The following SLC24A2 variants were observed in gnomAD, a reference collection of about 807,000 sequenced individuals.
SLC24A2 encodes solute carrier family 24 member 2, also known as sodium/potassium/calcium exchanger 2.
In SLC24A2, 36 loss-of-function variants were observed where a neutral mutation model predicts 62.0. That is an observed-to-expected ratio of 0.58 (90% CI 0.44 to 0.77). The LOEUF (loss-of-function observed/expected upper bound fraction) is 0.77. Among genes scored for constraint, SLC24A2 ranks in the 30% least tolerant of loss-of-function variants. SLC24A2 has a pLI of 0.00. For synonymous variants in SLC24A2, 358 were observed against 294.0 expected, an observed-to-expected ratio of 1.22 and a Z score of -2.23; for missense variants, 846 against 817.9, an observed-to-expected ratio of 1.03 and a Z score of -0.42.
chr9:19,718,524 T>G (rs879404838), intron 2 of SLC24A2, among the ~76,000 whole-genome samples: 3 of 148,200 alleles, frequency 2.0e-5, no homozygotes, highest in Middle Eastern at 3.5e-3. Flanking sequence ...TTGCCCAGGC[T>G]GGTCTCGAAA....
intron 3 of SLC24A2, among the ~76,000 whole-genome samples, chr9:19,620,464 G>A (rs914036972): frequency 3.3e-5 from 5 of 152,196 alleles, no homozygotes; most frequent in East Asian, 3.9e-4. Flanking sequence ...GAACTCTCCC[G>A]ACTTTGAGGG....
At chr9:19,861,153 A>T in the SLC24A2 span, among the ~76,000 whole-genome samples, 1 of 152,126 alleles carries the variant, frequency 6.6e-6, no homozygotes, top group Non-Finnish European at 1.5e-5. Context: ...TGTTGGCTTT[A>T]TGTGTGATCC....
the SLC24A2 span, among the ~76,000 whole-genome samples, chr9:19,999,318 T>A: frequency 6.6e-6 from 1 of 152,202 alleles, no homozygotes; most frequent in South Asian, 2.1e-4. Context: ...TGTTCCCAGT[T>A]AATTGGGTGT....
chr9:20,006,781 G>A, the SLC24A2 span, among the ~76,000 whole-genome samples: 3 of 152,228 alleles, frequency 2.0e-5, no homozygotes, highest in Non-Finnish European at 2.9e-5. Context: ...AAGAAAAATC[G>A]TGTATGCCTT....
the SLC24A2 span, among the ~76,000 whole-genome samples, chr9:20,305,704 T>A: frequency 2.0e-5 from 3 of 152,190 alleles, no homozygotes; most frequent in Admixed American, 6.5e-5. Flanking sequence ...TCCCAGTATA[T>A]AGATGAGGAC....
intron 2 of SLC24A2, among the ~76,000 whole-genome samples, chr9:19,770,857 T>C (rs891974629): frequency 6.6e-5 from 10 of 152,178 alleles, no homozygotes; most frequent in Non-Finnish European, 1.3e-4. Flanking sequence ...TTTTTTAAGA[T>C]GGTAAAAAAC....
the SLC24A2 span, among the ~76,000 whole-genome samples, chr9:20,224,581 T>C: frequency 4.6e-5 from 7 of 152,120 alleles, no homozygotes; most frequent in Admixed American, 3.9e-4. Flanking sequence ...CAAGTTGCCT[T>C]CAAGGTAAAT....
the SLC24A2 span, among the ~76,000 whole-genome samples, chr9:19,918,040 A>G: frequency 3.9e-5 from 6 of 152,058 alleles, no homozygotes; most frequent in African/African-American, 1.4e-4. Context: ...CTGGTTTACT[A>G]AATTGTTTTT....
the SLC24A2 span, among the ~76,000 whole-genome samples, chr9:20,236,125 C>G: frequency 6.6e-6 from 1 of 152,158 alleles, no homozygotes; most frequent in Non-Finnish European, 1.5e-5. Context: ...AATAAAGTAT[C>G]TATCAGCAGC....
the SLC24A2 span, among the ~76,000 whole-genome samples, chr9:19,950,273 T>G: frequency 6.6e-6 from 1 of 152,182 alleles, no homozygotes; most frequent in Non-Finnish European, 1.5e-5. Context: ...AAGCTATCAG[T>G]TGGTATAAAG....
At chr9:19,629,634 T>G (rs2117973473) in intron 2 of SLC24A2, among the ~76,000 whole-genome samples, 1 of 152,308 alleles carries the variant, frequency 6.6e-6, no homozygotes, top group South Asian at 2.1e-4. Context: ...TTGACTTGTA[T>G]TAAGGAGTTG....
the SLC24A2 span, among the ~76,000 whole-genome samples, chr9:20,288,741 C>CA: frequency 0.01 from 813 of 78,318 alleles, 11 homozygotes; most frequent in Non-Finnish European, 0.018. Flanking sequence ...GACTCTGTCT[C>CA]AAAAAAAAAA....
At chr9:19,960,499 A>C in the SLC24A2 span, among the ~76,000 whole-genome samples, 1 of 152,176 alleles carries the variant, frequency 6.6e-6, no homozygotes, top group Non-Finnish European at 1.5e-5. Flanking sequence ...TGAGACTGGA[A>C]CCTTGGGCTG....
intron 9 of SLC24A2, among the ~76,000 whole-genome samples, chr9:19,524,034 C>T (rs1833317021): frequency 6.9e-6 from 1 of 145,144 alleles, no homozygotes; most frequent in African/African-American, 2.6e-5. Flanking sequence ...ATGATGGGCA[C>T]ATGGACGGGA....
At chr9:19,771,638 C>T (rs960092223) in intron 2 of SLC24A2, among the ~76,000 whole-genome samples, 5 of 152,120 alleles carry the variant, frequency 3.3e-5, no homozygotes, top group Non-Finnish European at 7.3e-5. Context: ...GAAACGAGAG[C>T]GAGGATGTTT....
intron 2 of SLC24A2, among the ~76,000 whole-genome samples, chr9:19,718,650 A>T (rs545609379): frequency 6.6e-6 from 1 of 152,020 alleles, no homozygotes; most frequent in Admixed American, 6.6e-5. Flanking sequence ...ACTTTGACTG[A>T]CACCTGTGGT....
chr9:19,699,466 G>A (rs1362188156), intron 2 of SLC24A2, among the ~76,000 whole-genome samples: 1 of 152,132 alleles, frequency 6.6e-6, no homozygotes, highest in African/African-American at 2.4e-5. Flanking sequence ...AACAGTAAGT[G>A]AATAATGTTT....
the SLC24A2 span, among the ~76,000 whole-genome samples, chr9:20,259,817 A>G: frequency 6.6e-6 from 1 of 152,248 alleles, no homozygotes. Flanking sequence ...AGCAGGGCAC[A>G]GTGGCTCATG....
intron 2 of SLC24A2, among the ~76,000 whole-genome samples, chr9:19,633,648 C>T (rs916509524): frequency 2.0e-5 from 3 of 152,258 alleles, no homozygotes; most frequent in East Asian, 1.9e-4. Flanking sequence ...GGGTTACAGG[C>T]GATCAACTTT....
Sources: allele counts gnomAD v4.1 joint callset (sites outside exome capture counted in the v4.1 genomes callset), GRCh38; gene constraint gnomAD v4.1.1; transcripts MANE v1.5; gene names NCBI Gene and HGNC (gene_info 2026-07-23, HGNC 2026-07-21).